The following COL10A1 variants were observed in gnomAD, a reference collection of about 807,000 sequenced individuals.
COL10A1 encodes collagen alpha-1(X) chain.
Under a neutral mutation model 18.2 loss-of-function variants are expected in COL10A1, and 10 were observed. That is an observed-to-expected ratio of 0.55 (90% CI 0.34 to 0.93). The LOEUF (loss-of-function observed/expected upper bound fraction) is 0.93, where lower values mean the gene tolerates loss of function less well. Among genes scored for constraint, COL10A1 ranks in the 40% least tolerant of loss-of-function variants. The probability of loss-of-function intolerance (pLI) is 0.02; values close to 1 mark genes in which losing one functional copy is unlikely to be tolerated. For missense variants in COL10A1, 897 were observed against 853.5 expected, an observed-to-expected ratio of 1.05 and a Z score of -0.64; for synonymous variants, 330 against 316.6, an observed-to-expected ratio of 1.04 and a Z score of -0.45.
the COL10A1 span, among the ~76,000 whole-genome samples, chr6:116,164,739 T>G: frequency 5.8e-4 from 89 of 152,274 alleles, no homozygotes; most frequent in African/African-American, 2.1e-3. Flanking sequence ...GCATTTTTGG[T>G]GTACTGGTCT....
At chr6:116,140,586 C>A (rs1034120041) in intron 1 of COL10A1, among the ~76,000 whole-genome samples, 1 of 152,104 alleles carries the variant, frequency 6.6e-6, no homozygotes, top group Non-Finnish European at 1.5e-5. Flanking sequence ...TATGCCATCT[C>A]CCTGATGGCA....
chr6:116,162,909 C>T (rs771758504), upstream of COL10A1, among the ~76,000 whole-genome samples: 1 of 151,764 alleles, frequency 6.6e-6, no homozygotes, highest in Non-Finnish European at 1.5e-5. Context: ...GGGCAGATCA[C>T]GAGGTCAGGA....
At chr6:116,143,038 C>T (rs2114371175) in intron 1 of COL10A1, among the ~76,000 whole-genome samples, 1 of 152,140 alleles carries the variant, frequency 6.6e-6, no homozygotes, top group South Asian at 2.1e-4. Context: ...TGGTTCTGTC[C>T]TTTTGCTCTT....
the COL10A1 span, among the ~76,000 whole-genome samples, chr6:116,216,889 C>T: frequency 6.6e-6 from 1 of 152,184 alleles, no homozygotes; most frequent in African/African-American, 2.4e-5. Flanking sequence ...TAGCTGTTCA[C>T]TAGCGTGCTC....
chr6:116,178,072 T>C, the COL10A1 span, among the ~76,000 whole-genome samples: 4 of 110,232 alleles, frequency 3.6e-5, no homozygotes, highest in South Asian at 2.8e-4. Context: ...TGTGTGTGTG[T>C]GTGTGTGTGT....
chr6:116,177,095 C>T, the COL10A1 span, among the ~76,000 whole-genome samples: 16 of 152,110 alleles, frequency 1.1e-4, no homozygotes, highest in Middle Eastern at 3.4e-3. Flanking sequence ...ATATGTGGAC[C>T]GGTTTCAGTA....
intron 2 of COL10A1, 101 bp from the exon 3 acceptor site, chr6:116,122,062 A>C (rs1439099573): frequency 1.6e-5 from 16 of 1,007,104 alleles, no homozygotes; most frequent in Non-Finnish European, 2.5e-5. Flanking sequence ...ACGATATTTC[A>C]GCATCATTTA....
chr6:116,172,150 C>T, the COL10A1 span, among the ~76,000 whole-genome samples: 1 of 151,962 alleles, frequency 6.6e-6, no homozygotes, highest in African/African-American at 2.4e-5. Context: ...TTTGTAAACC[C>T]TTTCCTAAGT....
upstream of COL10A1, among the ~76,000 whole-genome samples, chr6:116,126,333 A>G (rs528757840): frequency 2.0e-5 from 3 of 152,188 alleles, no homozygotes; most frequent in East Asian, 1.9e-4. Flanking sequence ...TTAAATATAT[A>G]TTAATAGTTT....
intron 1 of COL10A1, among the ~76,000 whole-genome samples, chr6:116,135,405 A>G (rs1183866582): frequency 3.3e-5 from 5 of 152,048 alleles, no homozygotes; most frequent in Non-Finnish European, 7.4e-5. Flanking sequence ...TGTAGCATCC[A>G]TAACCGCCCC....
upstream of COL10A1, among the ~76,000 whole-genome samples, chr6:116,161,220 T>C (rs970293905): frequency 2.7e-5 from 4 of 145,686 alleles, no homozygotes; most frequent in Non-Finnish European, 4.5e-5. Context: ...AGGGATAGCA[T>C]TGGGAGATAT....
intron 1 of COL10A1, among the ~76,000 whole-genome samples, chr6:116,154,850 C>T (rs1780144062): frequency 6.6e-6 from 1 of 152,042 alleles, no homozygotes; most frequent in Non-Finnish European, 1.5e-5. Context: ...GCCTATGATG[C>T]CTTGTAGGTA....
At chr6:116,151,199 C>T (rs1373501392) in intron 1 of COL10A1, among the ~76,000 whole-genome samples, 1 of 152,170 alleles carries the variant, frequency 6.6e-6, no homozygotes, top group Non-Finnish European at 1.5e-5. Context: ...AGTGCCTGCA[C>T]CATCACTTAT....
At chr6:116,195,931 C>T in the COL10A1 span, among the ~76,000 whole-genome samples, 6 of 151,972 alleles carry the variant, frequency 3.9e-5, no homozygotes, top group Admixed American at 1.3e-4. Flanking sequence ...GAGAGAGATT[C>T]CTGCCTCTAA....
chr6:116,212,220 TATC>T, the COL10A1 span, among the ~76,000 whole-genome samples: 3,584 of 152,194 alleles, frequency 0.024, 127 homozygotes, highest in African/African-American at 0.081. Flanking sequence ...TTTCTTTTGT[TATC>T]ATGGAGTAAC....
chr6:116,195,857 T>G, the COL10A1 span, among the ~76,000 whole-genome samples: 1 of 151,972 alleles, frequency 6.6e-6, no homozygotes, highest in African/African-American at 2.4e-5. Context: ...TTTCTAACAG[T>G]AACTTTAGAA....
In COL10A1 at chr6:116,120,471, T is replaced by C. The variant is rs150747104; in HGVS notation, c.1645A>G (p.Met549Val). 1.5e-4 allele frequency: 240 copies of C among 1,614,260 alleles called. No individual in the cohort carries two copies. Among genetic ancestry groups the C allele is most frequent in the Non-Finnish European group, 1.6e-4 (187 of 1,180,038 alleles). ...LVSANQGVTGMPVSAFTVILS... is the reference protein window; with the variant it reads ...LVSANQGVTGVPVSAFTVILS... ...ATAACAGTAAAAGCAGACACAGGCATTCCTGTTACCCCCTGGTTGGCACTA... is the reference window on the plus strand; with the variant it reads ...ATAACAGTAAAAGCAGACACAGGCACTCCTGTTACCCCCTGGTTGGCACTA... The change falls in exon 3 of 3, where the codon ATG (methionine) becomes GTG (valine). Residue 549 changes from methionine to valine, a missense_variant. Coordinates refer to ENST00000651968, the MANE Select transcript of COL10A1 (RefSeq NM_000493.4).
chr6:116,159,718 C>A (rs1248568378), upstream of COL10A1, among the ~76,000 whole-genome samples: 3 of 152,104 alleles, frequency 2.0e-5, no homozygotes, highest in African/African-American at 7.2e-5. Context: ...TTCTAGTGAA[C>A]CCATTACCCA....
the COL10A1 span, among the ~76,000 whole-genome samples, chr6:116,211,704 T>C: frequency 2.0e-5 from 3 of 152,208 alleles, no homozygotes; most frequent in East Asian, 5.8e-4. Context: ...TACTACCTAT[T>C]ACAGAGAATT....
Sources: allele counts gnomAD v4.1 joint callset (sites outside exome capture counted in the v4.1 genomes callset), GRCh38; gene constraint gnomAD v4.1.1; transcripts MANE v1.5; gene names NCBI Gene and HGNC (gene_info 2026-07-23, HGNC 2026-07-21).